BTBD2: variants seen among roughly 807,000 people sequenced by gnomAD.
BTBD2 encodes BTB/POZ domain-containing protein 2.
A neutral mutation model predicts 44.0 loss-of-function variants in BTBD2; 15 were observed. That is an observed-to-expected ratio of 0.34 (90% CI 0.23 to 0.53). BTBD2 has a LOEUF of 0.53. Among genes scored for constraint, BTBD2 ranks in the 20% least tolerant of loss-of-function variants. The pLI, the probability that BTBD2 is intolerant of heterozygous loss-of-function variation, is 0.95. For synonymous variants in BTBD2, 443 were observed against 335.9 expected, an observed-to-expected ratio of 1.32 and a Z score of -3.49; for missense variants, 657 against 746.4, an observed-to-expected ratio of 0.88 and a Z score of 1.39.
At position 1,986,336 on chromosome 19, in the gene BTBD2, C is replaced by T. The variant is rs1353167721; in HGVS notation, c.*152G>A. 1.0e-5 allele frequency: 10 copies of T among 1,003,162 alleles called. No individual in the cohort carries two copies. The highest frequency in any genetic ancestry group is 6.2e-4 in the Middle Eastern group (2 of 3,240). 62.1% of individuals were successfully genotyped at this position (1,003,162 alleles called of 1,614,324 possible). A position where few individuals can be genotyped will look rare whatever the true frequency, so the allele number is the denominator to read the frequency against. ...ACTCGTGGTGAACACAGGGCAACCCCGTCCTGATGCTGAGAAAGGTGGCAT... is the reference window on the plus strand; with the variant it reads ...ACTCGTGGTGAACACAGGGCAACCCTGTCCTGATGCTGAGAAAGGTGGCAT... On this transcript the variant is annotated 3_prime_UTR_variant, in exon 9 of 9. Transcript: ENST00000255608.
intron 1 of BTBD2, among the ~76,000 whole-genome samples, chr19:2,008,587 A>G (rs34988758): frequency 0.2 from 26,501 of 134,762 alleles, 2,717 homozygotes; most frequent in East Asian, 0.31. Flanking sequence ...CACTGTGCCC[A>G]GCTTTTTTTT....
intron 2 of BTBD2, 49 bp from the exon 3 acceptor site, chr19:1,993,225 C>T (rs1453493663): frequency 6.4e-7 from 1 of 1,561,278 alleles, no homozygotes; most frequent in Non-Finnish European, 8.6e-7. Context: ...CATGCCCGCC[C>T]CCAGGGGAGA....
intron 1 of BTBD2, among the ~76,000 whole-genome samples, chr19:2,004,736 C>T (rs1001818173): frequency 1.2e-4 from 18 of 150,756 alleles, no homozygotes; most frequent in East Asian, 4.0e-4. Context: ...CCCAGGACTT[C>T]GAGAGGCCAA....
rs115792992 is a variant in BTBD2 at position 2,011,182 on chromosome 19, A to T, written c.407+4115T>A. 4.0e-3 allele frequency among the ~76,000 whole-genome samples: 606 copies of T among 152,110 alleles called. 7 individuals carry two copies. Among genetic ancestry groups the T allele is most frequent in the African/African-American group, 0.014 (580 of 41,492 alleles). On this transcript the variant is annotated intron_variant, in intron 1 of 8. Coordinates refer to ENST00000255608, the MANE Select transcript of BTBD2 (RefSeq NM_017797.4). Reference sequence around the variant, plus strand: ...CCTGGCTTGTGATGCTCCAGCCAGAAGTCTGGGGACCCCCACCACAGCCCC... The same window carrying T: ...CCTGGCTTGTGATGCTCCAGCCAGATGTCTGGGGACCCCCACCACAGCCCC...
chr19:2,011,904 G>A (rs1341289975), intron 1 of BTBD2, among the ~76,000 whole-genome samples: 1 of 151,922 alleles, frequency 6.6e-6, no homozygotes, highest in East Asian at 1.9e-4. Flanking sequence ...GCCCAGGCTG[G>A]AGTGCAGTAG....
In BTBD2 at chr19:1,999,428, G is replaced by C. The variant is rs756663158; in HGVS notation, c.408-1965C>G. 5.9e-5 allele frequency among the ~76,000 whole-genome samples: 9 copies of C among 152,364 alleles called. No individual in the cohort carries two copies. The East Asian group carries it at 1.7e-3, about 29-fold the overall frequency. On this transcript the variant is annotated intron_variant, in intron 1 of 8. Coordinates refer to ENST00000255608, the MANE Select transcript of BTBD2 (RefSeq NM_017797.4). The stretch of plus-strand genomic sequence containing the variant: ...ACACCCGTCATCCCAGCATGTGGGA[G>C]ACCAAGGCGGGAGGATCGCTTGAGC...
chr19:1,992,992 G>T (rs777278725), intron 3 of BTBD2, 28 bp downstream of exon 3: 2 of 348,530 alleles, frequency 5.7e-6, no homozygotes, highest in South Asian at 3.5e-5. Flanking sequence ...GCCTGGCCCC[G>T]CCCCCGCCTC....
At position 1,991,190 on chromosome 19, in the gene BTBD2, G is replaced by A. The variant is rs370757366; in HGVS notation, c.685-368C>T. On this transcript the variant is annotated intron_variant, in intron 3 of 8. Transcript: ENST00000255608. Reference sequence around the variant, plus strand: ...AGTGGCAGGCAGAGGTGAGGTGGCCGGGGCCGACCGGTGAAGCTTCCCGAC... The same window carrying A: ...AGTGGCAGGCAGAGGTGAGGTGGCCAGGGCCGACCGGTGAAGCTTCCCGAC... 2.6e-3 allele frequency: 539 copies of A among 205,480 alleles called. 3 individuals are homozygous for A. The highest frequency in any genetic ancestry group is 0.012 in the African/African-American group (516 of 42,722). The allele number at this position is 205,480 out of a possible 1,614,324, so 12.7% of individuals were successfully genotyped here.
At chr19:1,999,317 T>A (rs1487224491) in intron 1 of BTBD2, among the ~76,000 whole-genome samples, 1 of 151,964 alleles carries the variant, frequency 6.6e-6, no homozygotes, top group African/African-American at 2.4e-5. Context: ...ACTCCGTGAG[T>A]CAGGACGAAG....
intron 5 of BTBD2, chr19:1,988,208 G>A (rs1287236939): frequency 1.3e-5 from 2 of 154,580 alleles, no homozygotes; most frequent in African/African-American, 4.8e-5. Flanking sequence ...ATGGCTAGCG[G>A]ACCCCAGGCA....
chr19:2,008,008 CT>C (rs59464609), intron 1 of BTBD2, among the ~76,000 whole-genome samples: 2,931 of 142,480 alleles, frequency 0.021, 30 homozygotes, highest in Admixed American at 0.032. Context: ...CTGAGAAAGT[CT>C]TTTTTTTTTT....
intron 1 of BTBD2, among the ~76,000 whole-genome samples, chr19:2,009,192 TG>T (rs879645538): frequency 6.4e-5 from 7 of 108,552 alleles, no homozygotes; most frequent in East Asian, 4.2e-4. Flanking sequence ...CTAATTTTTG[TG>T]GTTTTTCTTT....
intron 5 of BTBD2, 110 bp from the exon 6 acceptor site, chr19:1,987,802 G>C (rs1243301826): frequency 8.6e-6 from 10 of 1,166,608 alleles, no homozygotes; most frequent in Non-Finnish European, 1.1e-5. Context: ...CTTTCAAGGT[G>C]CAGGGACCTG....
intron 2 of BTBD2, among the ~76,000 whole-genome samples, chr19:1,994,753 C>A (rs1233507390): frequency 6.6e-6 from 1 of 152,072 alleles, no homozygotes; most frequent in East Asian, 1.9e-4. Flanking sequence ...AGCGCTACTC[C>A]ATCTCAAAAA....
At position 1,986,404 on chromosome 19, in the gene BTBD2, G is replaced by A. The variant is rs938885166; in HGVS notation, c.*84C>T. On this transcript the variant is annotated 3_prime_UTR_variant, in exon 9 of 9. Coordinates refer to ENST00000255608, the MANE Select transcript of BTBD2 (RefSeq NM_017797.4). Reference sequence around the variant, plus strand: ...TGGGGGACACTGGGCCTGGCACCGCGTGGTGGGGGGGCCCCAGCAGCAGAT... The same window carrying A: ...TGGGGGACACTGGGCCTGGCACCGCATGGTGGGGGGGCCCCAGCAGCAGAT... The A allele has an allele frequency of 4.2e-5, 65 of 1,543,042 alleles. No individual in the cohort carries two copies. The highest frequency in any genetic ancestry group is 2.2e-4 in the Admixed American group (13 of 58,572).
chr19:1,989,597 C>G, intron 5 of BTBD2: 1 of 289,028 alleles, frequency 3.5e-6, no homozygotes, highest in Non-Finnish European at 6.8e-6. Flanking sequence ...CACCCTGGAA[C>G]CCAGGCCCTG....
rs1467724984 is a variant in BTBD2, at chr19:1,993,124, G to C, written c.580C>G (p.Leu194Val). 6.2e-7 allele frequency: 1 copy of C among 1,608,042 alleles called. No homozygotes were observed. Among genetic ancestry groups the C allele is most frequent in the African/African-American group, 1.3e-5 (1 of 74,912 alleles). ...QIGPETVMTT[L>V]YTAKKYAVPA... ...ACCGCGTACTTCTTGGCGGTGTATAGCGTGGTCATCACCGTCTCCGGGCCA... is the reference window on the plus strand; with the variant it reads ...ACCGCGTACTTCTTGGCGGTGTATACCGTGGTCATCACCGTCTCCGGGCCA... Residue 194 changes from leucine (L) to valine (V), a missense_variant, in exon 3 of 9, where the codon CTA becomes GTA. By Grantham distance (32) the Leu-to-Val change is conservative. Transcript: ENST00000255608.
At chr19:2,006,501 C>T (rs914798731) in intron 1 of BTBD2, among the ~76,000 whole-genome samples, 7 of 124,102 alleles carry the variant, frequency 5.6e-5, no homozygotes, top group South Asian at 2.6e-4. Flanking sequence ...AGCGAGACTC[C>T]GTCTCAAAAA....
intron 3 of BTBD2, chr19:1,991,270 A>G (rs1396886372): frequency 1.2e-5 from 2 of 165,858 alleles, no homozygotes; most frequent in East Asian, 3.6e-4. Flanking sequence ...CGGCAGCTCC[A>G]TCCCAAGACA....
Sources: allele counts gnomAD v4.1 joint callset (sites outside exome capture counted in the v4.1 genomes callset), GRCh38; gene constraint gnomAD v4.1.1; transcripts MANE v1.5; gene names NCBI Gene and HGNC (gene_info 2026-07-23, HGNC 2026-07-21).